Variants in KCNMA1 observed in about 807,000 individuals in gnomAD.
KCNMA1 encodes the protein Calcium-activated potassium channel subunit alpha-1.
KCNMA1 carries 29 observed loss-of-function variants against 140.0 expected under a neutral mutation model. That is an observed-to-expected ratio of 0.21 (90% CI 0.15 to 0.28). KCNMA1 has a LOEUF of 0.28. Ranked by LOEUF, KCNMA1 falls within the 10% of genes least tolerant of loss-of-function variation. The pLI is 1.00. For synonymous variants in KCNMA1, 612 were observed against 611.9 expected, an observed-to-expected ratio of 1.00 and a Z score of 0.00; for missense variants, 880 against 1,602.2, an observed-to-expected ratio of 0.55 and a Z score of 7.70.
At chr10:77,526,047 C>A (rs1373934428) in intron 1 of KCNMA1, among the ~76,000 whole-genome samples, 2 of 152,110 alleles carry the variant, frequency 1.3e-5, no homozygotes, top group Non-Finnish European at 2.9e-5. Flanking sequence ...AGAGATGGTC[C>A]CTGCCTTGAC....
At chr10:77,315,947 T>G (rs1395480032) in intron 2 of KCNMA1, among the ~76,000 whole-genome samples, 1 of 152,164 alleles carries the variant, frequency 6.6e-6, no homozygotes, top group East Asian at 1.9e-4. Context: ...ATATTCCCAG[T>G]GCTAAGCAAA....
intron 1 of KCNMA1, among the ~76,000 whole-genome samples, chr10:77,462,008 C>G (rs2097880223): frequency 6.6e-6 from 1 of 152,110 alleles, no homozygotes; most frequent in Middle Eastern, 3.2e-3. Context: ...AATTCAGACA[C>G]ACACATGCAC....
chr10:77,232,681 C>T (rs563882143), intron 3 of KCNMA1, among the ~76,000 whole-genome samples: 1 of 152,250 alleles, frequency 6.6e-6, no homozygotes, highest in East Asian at 1.9e-4. Context: ...AATTTATCTA[C>T]TTTTTCTTTT....
At chr10:77,135,005 A>AAAAAAAAAAAAAAAAAAAAAAAAAG in intron 5 of KCNMA1, among the ~76,000 whole-genome samples, 1 of 132,332 alleles carries the variant, frequency 7.6e-6, no homozygotes, top group Non-Finnish European at 1.6e-5. Flanking sequence ...CTCAAAAAAA[A>AAAAAAAAAAAAAAAAAAAAAAAAAG]AAAAAAAAAA....
intron 2 of KCNMA1, among the ~76,000 whole-genome samples, chr10:77,400,412 T>C (rs1378240023): frequency 6.6e-6 from 1 of 152,220 alleles, no homozygotes; most frequent in Admixed American, 6.5e-5. Flanking sequence ...ACCATGCTTC[T>C]ACATGCAAAT....
intron 1 of KCNMA1, among the ~76,000 whole-genome samples, chr10:77,585,872 G>A (rs766041109): frequency 4.6e-5 from 7 of 152,072 alleles, no homozygotes; most frequent in East Asian, 1.9e-4. Flanking sequence ...AGGCTCTAGC[G>A]ACAGAACAAT....
intron 21 of KCNMA1, among the ~76,000 whole-genome samples, chr10:76,951,149 G>A (rs2152963577): frequency 6.6e-6 from 1 of 152,292 alleles, no homozygotes; most frequent in Middle Eastern, 3.4e-3. Context: ...AGGTGGGGAA[G>A]GCACAGTTAG....
chr10:77,018,974 C>T lies in KCNMA1; in HGVS notation c.2015+39G>A. ...CTTCCGTGGGTCAAGGTGTCTACAG[C>T]CGGGCCAGAAAGAAAGCCAGTTGAA... On this transcript the variant is annotated intron_variant, in intron 17 of 27. Transcript: ENST00000286628. The T allele has an allele frequency of 1.7e-6, 2 of 1,173,080 alleles. 1 individual carries two copies. The highest frequency in any genetic ancestry group is 2.4e-5 in the South Asian group (2 of 81,668). 72.7% of individuals were successfully genotyped at this position (1,173,080 alleles called of 1,614,324 possible).
In KCNMA1 at chr10:76,953,816, T is replaced by C; in HGVS notation, c.2469A>G (p.Ile823Met). 3.1e-6 allele frequency: 5 copies of C among 1,613,596 alleles called. No homozygotes were observed. Among genetic ancestry groups the C allele is most frequent in the Non-Finnish European group, 4.2e-6 (5 of 1,179,488 alleles). Residue 823 changes from isoleucine to methionine, a missense_variant, in exon 21 of 28, where the codon ATA becomes ATG. Coordinates refer to ENST00000286628, the MANE Select transcript of KCNMA1 (RefSeq NM_001161352.2). ...CCTCACTCACCAGGATGACTTTCTCTATCTCCTTGGGTGCACACCAGTGAA... is the reference window on the plus strand; with the variant it reads ...CCTCACTCACCAGGATGACTTTCTCCATCTCCTTGGGTGCACACCAGTGAA... ...GMFHWCAPKE[I>M]EKVILTRSEA... is the part of the protein sequence containing the mutation.
rs116238422 is a variant in KCNMA1, at chr10:77,087,158, A to G, written c.1335-565T>C. The stretch of plus-strand genomic sequence containing the variant: ...CGGCTTGAACTGGGCATCTCTTGTC[A>G]TTCTCCTATCCTTGGACTGGGGTTG... On this transcript the variant is annotated intron_variant, in intron 10 of 27. Transcript: ENST00000286628. Among the ~76,000 whole-genome samples, 944 of 152,212 alleles carry G rather than the reference A, an allele frequency of 6.2e-3. 11 individuals carry two copies. Among genetic ancestry groups the G allele is most frequent in the African/African-American group, 0.022 (912 of 41,542 alleles).
intron 2 of KCNMA1, among the ~76,000 whole-genome samples, chr10:77,349,317 C>T (rs2092588956): frequency 6.6e-6 from 1 of 152,190 alleles, no homozygotes; most frequent in Non-Finnish European, 1.5e-5. Context: ...CCTCACCAGA[C>T]ACCAAATCTG....
In KCNMA1 at chr10:77,226,126, A is replaced by G. The variant is rs148874126; in HGVS notation, c.602+25069T>C. On this transcript the variant is annotated intron_variant, in intron 3 of 27. Transcript: ENST00000286628. ...GTATTTAATCTCTTTTGAAATGCCA[A>G]ATAATATTAAAAGAGGGCATGCTGC... 3.1e-3 allele frequency among the ~76,000 whole-genome samples: 467 copies of G among 152,272 alleles called. 1 individual carries two copies. The highest frequency in any genetic ancestry group is 0.011 in the African/African-American group (448 of 41,552).
At chr10:77,021,033 A>G (rs2092778259) in intron 16 of KCNMA1, 1 of 152,206 alleles carries the variant, frequency 6.6e-6, no homozygotes, top group Admixed American at 6.5e-5. Context: ...AAAAAAATCC[A>G]AAGTGTATTT....
chr10:76,877,844 G>A (rs2032681351), exon 30 of KCNMA1: 1 of 1,609,470 alleles, frequency 6.2e-7, no homozygotes, highest in Non-Finnish European at 8.5e-7. Context: ...TGATTTGAAT[G>A]TTTCTGGGAT....
chr10:77,053,167 TC>T (rs148801049), intron 14 of KCNMA1, among the ~76,000 whole-genome samples: 9,014 of 152,194 alleles, frequency 0.059, 377 homozygotes, highest in Non-Finnish European at 0.09. Flanking sequence ...CCCCTCCCTG[TC>T]CCCATGCTCA....
intron 1 of KCNMA1, among the ~76,000 whole-genome samples, chr10:77,580,599 C>G (rs1377823586): frequency 6.6e-6 from 1 of 152,126 alleles, no homozygotes; most frequent in Admixed American, 6.5e-5. Context: ...ACACACACTT[C>G]TAGGAGGTAG....
chr10:77,072,391 C>T (rs1363552912), intron 14 of KCNMA1, among the ~76,000 whole-genome samples: 1 of 152,188 alleles, frequency 6.6e-6, no homozygotes, highest in Non-Finnish European at 1.5e-5. Context: ...GAAACACAAT[C>T]CTAACCTGGC....
At chr10:77,482,335 A>G (rs669069) in intron 1 of KCNMA1, among the ~76,000 whole-genome samples, 148,162 of 152,286 alleles carry the variant, frequency 0.97, 72,114 homozygotes, top group East Asian at 1. Flanking sequence ...GGTTACAGAC[A>G]CTTTGTAAGT....
At chr10:77,486,738 C>T (rs1313674859) in intron 1 of KCNMA1, among the ~76,000 whole-genome samples, 1 of 152,168 alleles carries the variant, frequency 6.6e-6, no homozygotes, top group East Asian at 1.9e-4. Context: ...GGAAGCCAGC[C>T]CTGGCCCCGG....
Sources: gnomAD v4.1 joint callset for allele counts (sites outside exome capture counted in the v4.1 genomes callset) on GRCh38, gnomAD v4.1.1 for gene constraint, MANE v1.5 for transcripts, NCBI Gene and HGNC (gene_info 2026-07-23, HGNC 2026-07-21) for gene names.